The following GALNTL6 variants were observed in gnomAD, a reference collection of about 807,000 sequenced individuals.
GALNTL6 encodes the protein polypeptide N-acetylgalactosaminyltransferase-like 6.
In GALNTL6, 46 loss-of-function variants were observed where a neutral mutation model predicts 73.7. The observed-to-expected ratio is 0.62, with a 90% CI of 0.49 to 0.80. The LOEUF (loss-of-function observed/expected upper bound fraction) is 0.80. GALNTL6 is among the 30% of genes least tolerant of loss of function. GALNTL6 has a pLI of 0.00. For synonymous variants in GALNTL6, 259 were observed against 263.7 expected (o/e 0.98, Z 0.17); for missense variants, 604 against 755.0 (o/e 0.80, Z 2.34).
chr4:172,894,248 G>GT lies in GALNTL6; in HGVS notation c.1041+11344dup, dbSNP rs538457036. 3.7e-3 allele frequency among the ~76,000 whole-genome samples: 556 copies of GT among 152,062 alleles called. 3 individuals carry two copies. The highest frequency in any genetic ancestry group is 0.013 in the African/African-American group (534 of 41,464). Reference sequence around the variant, plus strand: ...TTTATTTTGCTAATTTTGGGGATTGGTTTGTTCTTGCTTTTCTTGAGGTGT... The same window carrying GT: ...TTTATTTTGCTAATTTTGGGGATTGGTTTTGTTCTTGCTTTTCTTGAGGTGT... On this transcript the variant is annotated intron_variant, in intron 8 of 12. Transcript: ENST00000506823.
intron 5 of GALNTL6, among the ~76,000 whole-genome samples, chr4:172,489,820 G>T (rs1401088624): frequency 1.3e-5 from 2 of 152,086 alleles, no homozygotes; most frequent in African/African-American, 4.8e-5. Flanking sequence ...TGGAACATTT[G>T]GTTACACTAT....
intron 2 of GALNTL6, among the ~76,000 whole-genome samples, chr4:172,024,669 A>G (rs1387988938): frequency 6.6e-6 from 1 of 151,926 alleles, no homozygotes; most frequent in Admixed American, 6.6e-5. Flanking sequence ...CATTTTTGCC[A>G]TAGAACTGTA....
At chr4:172,312,092 A>C (rs2111146022) in intron 4 of GALNTL6, among the ~76,000 whole-genome samples, 1 of 152,316 alleles carries the variant, frequency 6.6e-6, no homozygotes, top group East Asian at 1.9e-4. Flanking sequence ...GAGCTACCAG[A>C]ACTGTCTACA....
At chr4:171,875,743 G>T (rs1043598362) in intron 2 of GALNTL6, among the ~76,000 whole-genome samples, 1 of 150,228 alleles carries the variant, frequency 6.7e-6, no homozygotes, top group Non-Finnish European at 1.5e-5. Context: ...TTCTGCATAG[G>T]AATTTTCCCT....
At chr4:172,804,639 G>T (rs949366846) in intron 5 of GALNTL6, among the ~76,000 whole-genome samples, 4 of 152,184 alleles carry the variant, frequency 2.6e-5, no homozygotes, top group Admixed American at 2.0e-4. Context: ...TCCTGGCCAG[G>T]CTCTCTAATA....
intron 2 of GALNTL6, among the ~76,000 whole-genome samples, chr4:172,173,833 AG>A (rs1423319721): frequency 6.6e-6 from 1 of 152,210 alleles, no homozygotes; most frequent in African/African-American, 2.4e-5. Flanking sequence ...TGAAAAGCAA[AG>A]CTTGATCACC....
intron 5 of GALNTL6, among the ~76,000 whole-genome samples, chr4:172,566,610 T>C (rs1736563506): frequency 6.6e-6 from 1 of 151,616 alleles, no homozygotes; most frequent in Non-Finnish European, 1.5e-5. Flanking sequence ...AACATAACTT[T>C]AAGTATCAAG....
intron 2 of GALNTL6, among the ~76,000 whole-genome samples, chr4:171,980,057 T>A (rs1421975472): frequency 6.6e-6 from 1 of 152,100 alleles, no homozygotes. Context: ...GCAAAAAAAT[T>A]AATTAGCAAT....
chr4:171,918,435 C>T (rs751349939), intron 2 of GALNTL6, among the ~76,000 whole-genome samples: 3 of 151,898 alleles, frequency 2.0e-5, no homozygotes, highest in Admixed American at 6.6e-5. Flanking sequence ...AATCTCATAA[C>T]GCAAAAGAGT....
chr4:172,362,272 T>G (rs1742396995), intron 5 of GALNTL6, among the ~76,000 whole-genome samples: 1 of 152,180 alleles, frequency 6.6e-6, no homozygotes, highest in South Asian at 2.1e-4. Flanking sequence ...TTTCAAAGAA[T>G]GACTCAATTA....
intron 2 of GALNTL6, among the ~76,000 whole-genome samples, chr4:171,882,877 TAGA>T (rs1736490147): frequency 6.6e-6 from 1 of 152,218 alleles, no homozygotes; most frequent in South Asian, 2.1e-4. Context: ...TAGTCCGTTG[TAGA>T]AGGACTTTCC....
In GALNTL6 at chr4:172,759,970, G is replaced by A. The variant is rs554341186; in HGVS notation, c.554-49391G>A. Among the ~76,000 whole-genome samples, 386 of 150,840 alleles carry A rather than the reference G, an allele frequency of 2.6e-3. 1 individual carries two copies. Among genetic ancestry groups the A allele is most frequent in the Non-Finnish European group, 4.8e-3 (324 of 67,736 alleles). On this transcript the variant is annotated intron_variant, in intron 5 of 12. Coordinates refer to ENST00000506823, the MANE Select transcript of GALNTL6 (RefSeq NM_001034845.3). ...TCCTGCCTCAGCCTCCCCAGTAGCTGGGACTACAGGCGCCCGCCACCGCGC... is the reference window on the plus strand; with the variant it reads ...TCCTGCCTCAGCCTCCCCAGTAGCTAGGACTACAGGCGCCCGCCACCGCGC...
intron 7 of GALNTL6, among the ~76,000 whole-genome samples, chr4:172,823,226 G>A (rs1040944938): frequency 2.6e-5 from 4 of 152,168 alleles, no homozygotes; most frequent in Non-Finnish European, 5.9e-5. Context: ...ATATAGGCCC[G>A]AGGCCTATAT....
intron 11 of GALNTL6, among the ~76,000 whole-genome samples, chr4:173,014,046 C>CA (rs11388681): frequency 0.17 from 25,123 of 144,206 alleles, 2,273 homozygotes; most frequent in Admixed American, 0.28. Flanking sequence ...CGTTTTTTTC[C>CA]AAAAAAAAAA....
intron 2 of GALNTL6, among the ~76,000 whole-genome samples, chr4:172,149,131 A>G (rs1734000685): frequency 6.6e-6 from 1 of 152,240 alleles, no homozygotes; most frequent in South Asian, 2.1e-4. Flanking sequence ...TCAGATTCAA[A>G]TAGAAACTGT....
intron 4 of GALNTL6, among the ~76,000 whole-genome samples, chr4:172,319,770 G>A (rs1740691216): frequency 6.6e-6 from 1 of 152,110 alleles, no homozygotes; most frequent in Admixed American, 6.5e-5. Flanking sequence ...GTACTCCCCT[G>A]ACTTGATCCC....
intron 5 of GALNTL6, among the ~76,000 whole-genome samples, chr4:172,441,429 C>T (rs1159603720): frequency 6.6e-6 from 1 of 152,112 alleles, no homozygotes; most frequent in Non-Finnish European, 1.5e-5. Context: ...CTTTCGTGGT[C>T]ATTCACAGAA....
chr4:172,971,018 T>C (rs1750556193), intron 10 of GALNTL6, among the ~76,000 whole-genome samples: 1 of 152,214 alleles, frequency 6.6e-6, no homozygotes, highest in Non-Finnish European at 1.5e-5. Flanking sequence ...ATCTTCACAA[T>C]TTATGTTCCT....
intron 5 of GALNTL6, among the ~76,000 whole-genome samples, chr4:172,688,746 T>C (rs1157723344): frequency 2.6e-5 from 4 of 152,232 alleles, no homozygotes; most frequent in Non-Finnish European, 5.9e-5. Context: ...AGTGGATGAT[T>C]GGTATACCAT....
Sources: gnomAD v4.1 joint callset for allele counts (sites outside exome capture counted in the v4.1 genomes callset) on GRCh38, gnomAD v4.1.1 for gene constraint, MANE v1.5 for transcripts, NCBI Gene and HGNC (gene_info 2026-07-23, HGNC 2026-07-21) for gene names.